PMS2: variants seen among roughly 807,000 people sequenced by gnomAD.
PMS2 encodes the protein mismatch repair endonuclease PMS2.
PMS2 carries 69 observed loss-of-function variants against 90.0 expected under a neutral mutation model. The ratio of observed to expected loss-of-function variants is 0.77; its 90% confidence interval spans 0.63 to 0.94. The LOEUF (loss-of-function observed/expected upper bound fraction) is 0.94, where lower values mean the gene tolerates loss of function less well. Among genes scored for constraint, PMS2 ranks in the 40% least tolerant of loss-of-function variants. The pLI is 0.00. For synonymous variants in PMS2, 332 were observed against 375.1 expected, an observed-to-expected ratio of 0.89 and a Z score of 1.33; for missense variants, 966 against 1,040.2, an observed-to-expected ratio of 0.93 and a Z score of 0.98.
At chr7:5,983,734 C>G (rs1403940376) in intron 11 of PMS2, among the ~76,000 whole-genome samples, 2 of 151,500 alleles carry the variant, frequency 1.3e-5, no homozygotes, top group African/African-American at 4.9e-5. Flanking sequence ...TCACTGCAAC[C>G]TGCGCCTCCC....
chr7:6,006,255 G>T (rs71541550), intron 1 of PMS2, among the ~76,000 whole-genome samples: 2 of 152,138 alleles, frequency 1.3e-5, no homozygotes, highest in African/African-American at 4.8e-5. Context: ...AAATTCAACA[G>T]ATCCTTACTA....
chr7:6,009,020 G>A lies in PMS2; in HGVS notation c.-1C>T, dbSNP rs369681753. 11 of 1,612,570 alleles carry A rather than the reference G, an allele frequency of 6.8e-6. No individual in the cohort carries two copies. The highest frequency in any genetic ancestry group is 1.7e-5 in the Admixed American group (1 of 60,024). ...ACCTCGAGCTCTCAGCTCGCTCCAT[G>A]GATGCAACACCCGATCCGCCTCGGG... On this transcript the variant is annotated 5_prime_UTR_variant, in exon 1 of 15. Coordinates refer to ENST00000265849, the MANE Select transcript of PMS2 (RefSeq NM_000535.7).
intron 7 of PMS2, among the ~76,000 whole-genome samples, chr7:5,996,590 A>AAAAAATAT (rs56858711): frequency 1.3e-4 from 14 of 110,168 alleles, no homozygotes; most frequent in South Asian, 9.0e-4. Flanking sequence ...AAAAAAAAAA[A>AAAAAATAT]ATATATATAT....
rs876659729 is a variant in PMS2 at position 5,989,828 on chromosome 7, G to A, written c.1116C>T (p.Val372=). ...MFDSDVNKLN[V]SQQPLLDVEG... ...CAACATCCAGCAGTGGCTGCTGACTGACATTTAGCTTGTTGACATCACTAT... is the reference window on the plus strand; with the variant it reads ...CAACATCCAGCAGTGGCTGCTGACTAACATTTAGCTTGTTGACATCACTAT... The change falls in exon 10 of 15, where the codon GTC becomes GTT. Residue 372 remains valine (V), a synonymous_variant. Transcript: ENST00000265849. 9 of 1,612,938 alleles carry A rather than the reference G, an allele frequency of 5.6e-6. No homozygotes were observed. In the Middle Eastern group the frequency reaches 4.9e-4, roughly 88 times the overall value.
intron 12 of PMS2, among the ~76,000 whole-genome samples, chr7:5,981,637 T>C (rs1282362546): frequency 6.6e-6 from 1 of 151,140 alleles, no homozygotes; most frequent in African/African-American, 2.5e-5. Flanking sequence ...TTCCATACAC[T>C]ATGCATACTA....
intron 5 of PMS2, among the ~76,000 whole-genome samples, chr7:5,999,605 A>G (rs1310152349): frequency 6.6e-6 from 1 of 151,908 alleles, no homozygotes; most frequent in African/African-American, 2.4e-5. Flanking sequence ...AGCCTGGGCA[A>G]CACAGCAAGA....
chr7:6,001,702 G>A lies in PMS2; in HGVS notation c.537+751C>T, dbSNP rs1262064563. Among the ~76,000 whole-genome samples, 8 of 152,048 alleles carry A rather than the reference G, an allele frequency of 5.3e-5. No homozygotes were observed. The South Asian group carries it at 1.5e-3, about 28-fold the overall frequency. On this transcript the variant is annotated intron_variant, in intron 5 of 14. Coordinates refer to ENST00000265849, the MANE Select transcript of PMS2 (RefSeq NM_000535.7). The stretch of plus-strand genomic sequence containing the variant: ...TTCTTATTAAAATATAAGTACATAA[G>A]GCCAGGCATGGTGGCTCAGGCCTGT...
At position 5,999,238 on chromosome 7, in the gene PMS2, C is replaced by T. The variant is rs772404945; in HGVS notation, c.575G>A (p.Cys192Tyr). Residue 192 changes from cysteine (C) to tyrosine (Y), a missense_variant, in exon 6 of 15, where the codon TGT becomes TAT. By Grantham distance (194) the Cys-to-Tyr change is radical (BLOSUM62 -2). Transcript: ENST00000265849. ...TACACGGATGCCTGCTGAAATGATA[C>T]AGTATGCATGTAAGACCTGGACCAT... ...AKMVQVLHAY[C>Y]IISAGIRVSC... is the part of the protein sequence containing the mutation. 6.2e-7 allele frequency: 1 copy of T among 1,613,832 alleles called. No individual in the cohort carries two copies. Among genetic ancestry groups the T allele is most frequent in the South Asian group, 1.1e-5 (1 of 91,080 alleles).
intron 1 of PMS2, 77 bp downstream of exon 1, chr7:6,008,920 C>T (rs2128864811): frequency 6.4e-7 from 1 of 1,555,006 alleles, no homozygotes; most frequent in African/African-American, 1.4e-5. Flanking sequence ...CCCCCCATTT[C>T]CAGGGAGGTT....
At chr7:5,992,173 G>GTTTTT in intron 8 of PMS2, 116 bp from the exon 9 acceptor site, 1 of 543,504 alleles carries the variant, frequency 1.8e-6, no homozygotes, top group Non-Finnish European at 3.3e-6. Flanking sequence ...ATACTTTTTT[G>GTTTTT]TTTTTTTTTT....
In PMS2 at chr7:5,995,630, G is replaced by C. The variant is rs1784316728; in HGVS notation, c.807C>G (p.Ile269Met). Reference protein sequence around the residue: ...CSDALHNLFYISGFISQCTHG... With the variant: ...CSDALHNLFYMSGFISQCTHG... ...GCGTGCATTGTGAAATGAAACCTGA[G>C]ATGCTATTCAACATTAATATGGTAA... is the stretch of plus-strand genomic sequence containing the variant. The change falls in exon 8 of 15, where the codon ATC (isoleucine) becomes ATG (methionine). Residue 269 changes from isoleucine (I) to methionine (M), a missense_variant. By Grantham distance (10) the Ile-to-Met change is conservative. This residue lies in a region of PMS2 where 871 missense variants were observed against 802.4 expected (regional missense o/e 1.09). Coordinates refer to ENST00000265849, the MANE Select transcript of PMS2 (RefSeq NM_000535.7). The C allele has an allele frequency of 1.2e-6, 2 of 1,604,270 alleles. No homozygotes were observed. The highest frequency in any genetic ancestry group is 1.7e-6 in the Non-Finnish European group (2 of 1,171,076).
intron 11 of PMS2, 68 bp downstream of exon 11, chr7:5,986,691 C>CA (rs1159879425): frequency 7.1e-5 from 91 of 1,284,490 alleles, no homozygotes; most frequent in Admixed American, 1.6e-4. Context: ...GACTCTGTCT[C>CA]AAAAAAATAA....
At chr7:5,999,691 G>A (rs1483213482) in intron 5 of PMS2, among the ~76,000 whole-genome samples, 1 of 152,142 alleles carries the variant, frequency 6.6e-6, no homozygotes, top group African/African-American at 2.4e-5. Context: ...AGCTACTGAG[G>A]AGGCTGAGGT....
intron 11 of PMS2, among the ~76,000 whole-genome samples, chr7:5,985,650 T>C (rs1583309003): frequency 6.9e-6 from 1 of 145,894 alleles, no homozygotes; most frequent in African/African-American, 2.6e-5. Context: ...ACCTCCCGGG[T>C]TCAAGCAATT....
At chr7:5,977,848 G>C in intron 13 of PMS2, 91 bp from the exon 14 acceptor site, 1 of 1,555,030 alleles carries the variant, frequency 6.4e-7, no homozygotes, top group Non-Finnish European at 8.8e-7. Flanking sequence ...GGCCGGGCGT[G>C]GTGGCTCACG....
rs587780063 is a variant in PMS2 at position 5,992,045 on chromosome 7, C to A, written c.916G>T (p.Val306Leu). 2 of 1,577,644 alleles carry A rather than the reference C, an allele frequency of 1.3e-6. No individual in the cohort carries two copies. The highest frequency in any genetic ancestry group is 1.7e-6 in the Non-Finnish European group (2 of 1,147,092). ...TTATACATGTGGTAGACCTCATTCACGAGTCTGCAGACCTGCACAAAATAC... is the reference window on the plus strand; with the variant it reads ...TTATACATGTGGTAGACCTCATTCAAGAGTCTGCAGACCTGCACAAAATAC... The part of the protein sequence containing the change: ...PCDPAKVCRL[V>L]NEVYHMYNRH... The change falls in exon 9 of 15, where the codon GTG becomes TTG. Residue 306 changes from valine (V) to leucine (L), a missense_variant. Val to Leu is a conservative substitution (Grantham distance 32). Around this residue, in one of 2 missense-constraint regions of PMS2, gnomAD observed 871 missense variants for 802.4 expected, o/e 1.09. Coordinates refer to ENST00000265849, the MANE Select transcript of PMS2 (RefSeq NM_000535.7).
chr7:6,004,338 A>G, intron 2 of PMS2: 1 of 303,930 alleles, frequency 3.3e-6, no homozygotes, highest in East Asian at 7.3e-5. Context: ...AAAATCTGTA[A>G]CTGGTGGTGA....
rs141374948 is a variant in PMS2, at chr7:5,985,163, T to G, written c.2006+1596A>C. ...CCCAGGCTGGAGTGCAATGGCATGA[T>G]CATAGCTCACTGCAGCCTCAAACTC... On this transcript the variant is annotated intron_variant, in intron 11 of 14. Transcript: ENST00000265849. 7.8e-3 allele frequency among the ~76,000 whole-genome samples: 1,180 copies of G among 151,630 alleles called. 24 individuals are homozygous for G. Among genetic ancestry groups the G allele is most frequent in the East Asian group, 0.065 (337 of 5,158 alleles).
In PMS2 at chr7:5,999,287, A is replaced by G; in HGVS notation, c.538-12T>C. The G allele has an allele frequency of 6.2e-7, 1 of 1,608,132 alleles. No homozygotes were observed. Among genetic ancestry groups the G allele is most frequent in the Non-Finnish European group, 8.5e-7 (1 of 1,174,508 alleles). Reference sequence around the variant, plus strand: ...ATTTTGGCATACTCCTGTTTAAAAAACACAAACACAATATTCTACATTACT... The same window carrying G: ...ATTTTGGCATACTCCTGTTTAAAAAGCACAAACACAATATTCTACATTACT... On this transcript the variant is annotated splice_polypyrimidine_tract_variant and intron_variant, in intron 5 of 14. Coordinates refer to ENST00000265849, the MANE Select transcript of PMS2 (RefSeq NM_000535.7).
Sources: gnomAD v4.1 joint callset for allele counts (sites outside exome capture counted in the v4.1 genomes callset) on GRCh38, gnomAD v4.1.1 for gene constraint, gnomAD v4.1.1 regional missense constraint, MANE v1.5 for transcripts, NCBI Gene and HGNC (gene_info 2026-07-23, HGNC 2026-07-21) for gene names.